The following PLXNA4 variants were observed in gnomAD, a reference collection of about 807,000 sequenced individuals.
PLXNA4 encodes the protein plexin A4, also known as plexin-A4.
In PLXNA4, 44 loss-of-function variants were observed where a neutral mutation model predicts 191.8. The observed-to-expected ratio is 0.23, with a 90% confidence interval of 0.18 to 0.29. The LOEUF (loss-of-function observed/expected upper bound fraction) is 0.29, where lower values mean the gene tolerates loss of function less well. Ranked by LOEUF, PLXNA4 falls within the 10% of genes least tolerant of loss-of-function variation. PLXNA4 has a pLI of 1.00. For synonymous variants in PLXNA4, 1,082 were observed against 1,009.5 expected (o/e 1.07, Z -1.36); for missense variants, 1,800 against 2,488.8 (o/e 0.72, Z 5.89).
chr7:132,447,731 T>C (rs546694249), intron 3 of PLXNA4, among the ~76,000 whole-genome samples: 1 of 152,034 alleles, frequency 6.6e-6, no homozygotes, highest in Non-Finnish European at 1.5e-5. Flanking sequence ...CTCATGCTTG[T>C]AATGCCAACA....
chr7:132,266,093 C>T (rs1195903233), intron 4 of PLXNA4, among the ~76,000 whole-genome samples: 2 of 151,970 alleles, frequency 1.3e-5, no homozygotes, highest in South Asian at 4.2e-4. Context: ...GGCTGGAACC[C>T]AAACTGAATC....
At chr7:132,282,713 T>C (rs17166306) in intron 4 of PLXNA4, among the ~76,000 whole-genome samples, 27,639 of 146,774 alleles carry the variant, frequency 0.19, 3,291 homozygotes, top group South Asian at 0.44. Flanking sequence ...GAGTGTTCCT[T>C]CTTAGCAGCC....
intron 10 of PLXNA4, among the ~76,000 whole-genome samples, chr7:132,209,055 C>T (rs773662463): frequency 4.6e-5 from 7 of 152,226 alleles, no homozygotes; most frequent in Non-Finnish European, 7.3e-5. Flanking sequence ...TCCCAGCGAG[C>T]TTCTTGGAAG....
chr7:132,489,150 C>T (rs187105189), intron 3 of PLXNA4, 142 bp downstream of exon 3: 3 of 841,834 alleles, frequency 3.6e-6, no homozygotes, highest in African/African-American at 1.7e-5. Context: ...TCATCATGAC[C>T]TCAACAGCAG....
chr7:132,434,862 C>T (rs1433075822), intron 3 of PLXNA4, among the ~76,000 whole-genome samples: 1 of 152,074 alleles, frequency 6.6e-6, no homozygotes, highest in African/African-American at 2.4e-5. Context: ...ACTAGCCTTG[C>T]CAGGGATTTA....
chr7:132,281,697 A>G (rs138623648), intron 4 of PLXNA4, among the ~76,000 whole-genome samples: 7 of 152,250 alleles, frequency 4.6e-5, no homozygotes, highest in African/African-American at 1.7e-4. Flanking sequence ...GGAGGGAAAG[A>G]TTAAGTGTTT....
chr7:132,178,618 G>A (rs187264930), intron 20 of PLXNA4, among the ~76,000 whole-genome samples: 29 of 152,330 alleles, frequency 1.9e-4, no homozygotes, highest in Admixed American at 1.8e-3. Context: ...TAGAGTGAGA[G>A]GCTTTGCAGG....
chr7:132,561,569 T>TCC (rs1469625143), intron 1 of PLXNA4, among the ~76,000 whole-genome samples: 3 of 74,064 alleles, frequency 4.1e-5, no homozygotes, highest in African/African-American at 6.2e-5. Context: ...CTCCTCCTCC[T>TCC]TTCCCCTCCT....
At chr7:132,526,746 T>C (rs1008569078) in intron 1 of PLXNA4, among the ~76,000 whole-genome samples, 1 of 152,188 alleles carries the variant, frequency 6.6e-6, no homozygotes, top group Admixed American at 6.5e-5. Flanking sequence ...ATGGTGGCAG[T>C]CATCCAGGTG....
At chr7:132,394,205 C>G (rs571017104) in intron 3 of PLXNA4, among the ~76,000 whole-genome samples, 2 of 152,280 alleles carry the variant, frequency 1.3e-5, no homozygotes, top group South Asian at 4.1e-4. Context: ...AGCCGAGTTT[C>G]CTCTGAAGCG....
At chr7:132,174,949 C>G in intron 20 of PLXNA4, 29 bp from the exon 21 acceptor site, 1 of 1,612,174 alleles carries the variant, frequency 6.2e-7, no homozygotes, top group Non-Finnish European at 8.5e-7. Context: ...TGTGAGATGG[C>G]TGGATGGGGA....
intron 3 of PLXNA4, among the ~76,000 whole-genome samples, chr7:132,314,596 G>C (rs1251863594): frequency 6.6e-6 from 1 of 152,072 alleles, no homozygotes; most frequent in Non-Finnish European, 1.5e-5. Flanking sequence ...CTGAGGGTTG[G>C]AGAATATCAA....
intron 3 of PLXNA4, among the ~76,000 whole-genome samples, chr7:132,362,054 G>C (rs182529946): frequency 1.8e-3 from 273 of 152,302 alleles, no homozygotes; most frequent in Admixed American, 3.5e-3. Context: ...TGTAATAAGA[G>C]AGGGTTTCCA....
chr7:132,628,639 T>A (rs375298325), intron 2 of PLXNA4, among the ~76,000 whole-genome samples: 2 of 152,250 alleles, frequency 1.3e-5, no homozygotes, highest in South Asian at 4.1e-4. Context: ...TTTATTTTTC[T>A]CTTCCATTTC....
At chr7:132,144,524 G>T (rs890736659) in intron 29 of PLXNA4, among the ~76,000 whole-genome samples, 8 of 152,190 alleles carry the variant, frequency 5.3e-5, no homozygotes, top group Admixed American at 1.3e-4. Flanking sequence ...GCTTGGAAAA[G>T]AGAAGAGAGC....
At chr7:132,528,648 C>T (rs1799504916) in intron 1 of PLXNA4, among the ~76,000 whole-genome samples, 1 of 152,184 alleles carries the variant, frequency 6.6e-6, no homozygotes, top group Non-Finnish European at 1.5e-5. Flanking sequence ...TGTGAGGGAG[C>T]ACCTCTCTTC....
At chr7:132,482,406 G>C (rs749171540) in intron 3 of PLXNA4, among the ~76,000 whole-genome samples, 1 of 152,176 alleles carries the variant, frequency 6.6e-6, no homozygotes, top group African/African-American at 2.4e-5. Context: ...TCTCAAGTGA[G>C]GACCTGAGGC....
intron 29 of PLXNA4, among the ~76,000 whole-genome samples, chr7:132,143,578 A>G (rs10228429): frequency 9.2e-5 from 14 of 152,196 alleles, no homozygotes; most frequent in African/African-American, 3.4e-4. Flanking sequence ...GGCTGCTAAC[A>G]TTCAATGGAG....
chr7:132,615,696 C>T (rs1402351039), intron 2 of PLXNA4, among the ~76,000 whole-genome samples: 2 of 152,182 alleles, frequency 1.3e-5, no homozygotes, highest in Non-Finnish European at 2.9e-5. Flanking sequence ...TTTCATGTCC[C>T]AAAGCTGGGA....
Sources: allele counts gnomAD v4.1 joint callset (sites outside exome capture counted in the v4.1 genomes callset), GRCh38; gene constraint gnomAD v4.1.1; transcripts MANE v1.5; gene names NCBI Gene and HGNC (gene_info 2026-07-23, HGNC 2026-07-21).